KLRG1: variants seen among roughly 807,000 people sequenced by gnomAD.
KLRG1 encodes the protein killer cell lectin-like receptor subfamily G member 1.
In KLRG1, 16 loss-of-function variants were observed where a neutral mutation model predicts 21.8. The ratio of observed to expected loss-of-function variants is 0.73; its 90% CI spans 0.50 to 1.11. The LOEUF (loss-of-function observed/expected upper bound fraction) is 1.11, where lower values mean the gene tolerates loss of function less well. KLRG1 is among the 50% of genes most tolerant of loss of function. The pLI, the probability that KLRG1 is intolerant of heterozygous loss-of-function variation, is 0.00. For synonymous variants in KLRG1, 69 were observed against 75.9 expected, an observed-to-expected ratio of 0.91 and a Z score of 0.47; for missense variants, 173 against 218.3, an observed-to-expected ratio of 0.79 and a Z score of 1.31.
chr12:9,073,505 A>G, the KLRG1 span, among the ~76,000 whole-genome samples: 2 of 152,204 alleles, frequency 1.3e-5, no homozygotes, highest in South Asian at 2.1e-4. Context: ...GCCTCCTTCA[A>G]ATAATATGTT....
the KLRG1 span, among the ~76,000 whole-genome samples, chr12:9,117,809 AT>A: frequency 6.8e-4 from 104 of 152,328 alleles, no homozygotes; most frequent in Non-Finnish European, 8.8e-4. Context: ...TTAATAGTGT[AT>A]TTTATTTAAT....
At chr12:8,951,708 A>G (rs1946209033) in intron 1 of KLRG1, among the ~76,000 whole-genome samples, 1 of 152,202 alleles carries the variant, frequency 6.6e-6, no homozygotes, top group Non-Finnish European at 1.5e-5. Context: ...AGCAGAGAAA[A>G]AAGACAAAAA....
the KLRG1 span, among the ~76,000 whole-genome samples, chr12:9,053,029 G>A: frequency 1.3e-5 from 2 of 152,230 alleles, no homozygotes; most frequent in East Asian, 3.8e-4. Context: ...TAATGTTGAT[G>A]AGACAATGGC....
intron 1 of KLRG1, among the ~76,000 whole-genome samples, chr12:8,955,375 A>ATTTTT (rs61263683): frequency 1.4e-5 from 1 of 71,300 alleles, no homozygotes; most frequent in Non-Finnish European, 2.6e-5. Flanking sequence ...TATTGCTCTG[A>ATTTTT]TTTTTTTTTT....
At chr12:9,030,634 C>T in the KLRG1 span, among the ~76,000 whole-genome samples, 2 of 152,020 alleles carry the variant, frequency 1.3e-5, no homozygotes, top group African/African-American at 4.8e-5. Context: ...TCTCGAACTC[C>T]TAACCTTGTG....
chr12:9,197,581 CAT>C, the KLRG1 span, among the ~76,000 whole-genome samples: 1 of 94,144 alleles, frequency 1.1e-5, no homozygotes, highest in East Asian at 2.5e-4. Flanking sequence ...TAATATATGA[CAT>C]AATATAATAT....
At chr12:9,051,990 A>G in the KLRG1 span, among the ~76,000 whole-genome samples, 1 of 152,130 alleles carries the variant, frequency 6.6e-6, no homozygotes, top group Non-Finnish European at 1.5e-5. Flanking sequence ...GGCATTCTCT[A>G]TTGTGTCCAT....
chr12:8,953,045 A>T (rs1946231185), intron 1 of KLRG1, among the ~76,000 whole-genome samples: 2 of 25,678 alleles, frequency 7.8e-5, no homozygotes, highest in African/African-American at 1.7e-4. Context: ...ATAGCTAGTG[A>T]CACCCCCCCC....
the KLRG1 span, among the ~76,000 whole-genome samples, chr12:9,111,016 A>G: frequency 1.3e-5 from 2 of 152,206 alleles, no homozygotes; most frequent in African/African-American, 4.8e-5. Flanking sequence ...AAATATGTTC[A>G]GATGTAATCA....
chr12:9,031,970 C>T, the KLRG1 span, among the ~76,000 whole-genome samples: 1 of 152,152 alleles, frequency 6.6e-6, no homozygotes, highest in Non-Finnish European at 1.5e-5. Context: ...GGGATGGTTC[C>T]TTCTGGGGGA....
chr12:9,109,264 A>T, the KLRG1 span: 6,929 of 1,418,450 alleles, frequency 4.9e-3, 264 homozygotes, highest in African/African-American at 0.082. Context: ...AAATATCCCA[A>T]ATGGTGAGTC....
At chr12:9,132,148 G>T in the KLRG1 span, among the ~76,000 whole-genome samples, 2 of 152,158 alleles carry the variant, frequency 1.3e-5, no homozygotes, top group East Asian at 3.8e-4. Flanking sequence ...GGGGATGAAG[G>T]TCTGCATGTT....
chr12:9,109,572 T>C, the KLRG1 span, among the ~76,000 whole-genome samples: 1 of 152,232 alleles, frequency 6.6e-6, no homozygotes, highest in African/African-American at 2.4e-5. Flanking sequence ...AAGATTTCAG[T>C]TGAGGGACTA....
At chr12:9,091,238 T>G in the KLRG1 span, 1 of 1,614,204 alleles carries the variant, frequency 6.2e-7, no homozygotes, top group Non-Finnish European at 8.5e-7. Flanking sequence ...GACCGTGGCC[T>G]TGAGTGTGAA....
chr12:9,024,357 T>G, the KLRG1 span, among the ~76,000 whole-genome samples: 2 of 152,132 alleles, frequency 1.3e-5, no homozygotes, highest in Admixed American at 1.3e-4. Context: ...CATTCTCTTC[T>G]GTTCCTTTTT....
chr12:9,164,272 G>A, the KLRG1 span: 2 of 1,611,302 alleles, frequency 1.2e-6, no homozygotes, highest in South Asian at 1.1e-5. Context: ...ATCACCCCAT[G>A]TGAGGCAGAG....
chr12:8,984,487 C>T (rs1407628209), intron 1 of KLRG1, among the ~76,000 whole-genome samples: 1 of 152,148 alleles, frequency 6.6e-6, no homozygotes, highest in African/African-American at 2.4e-5. Flanking sequence ...CTCCTGACCT[C>T]AAATTATCCA....
the KLRG1 span, among the ~76,000 whole-genome samples, chr12:9,210,005 A>T: frequency 3.9e-5 from 6 of 152,264 alleles, no homozygotes; most frequent in East Asian, 1.2e-3. Flanking sequence ...TTTCAACATT[A>T]CAAATAATAC....
the KLRG1 span, among the ~76,000 whole-genome samples, chr12:9,100,204 G>A: frequency 2.0e-5 from 3 of 152,100 alleles, no homozygotes; most frequent in South Asian, 6.2e-4. Flanking sequence ...TAACTATCTT[G>A]AAAGGGAAAA....
Sources: allele counts gnomAD v4.1 joint callset (sites outside exome capture counted in the v4.1 genomes callset), GRCh38; gene constraint gnomAD v4.1.1; transcripts MANE v1.5; gene names NCBI Gene and HGNC (gene_info 2026-07-23, HGNC 2026-07-21).